Variants in DLGAP1 observed in about 807,000 individuals in gnomAD.
DLGAP1 encodes the protein DLG associated protein 1.
DLGAP1 carries 11 observed loss-of-function variants against 90.8 expected under a neutral mutation model. The ratio of observed to expected loss-of-function variants is 0.12; its 90% CI spans 0.08 to 0.20. The LOEUF (loss-of-function observed/expected upper bound fraction) is 0.20. Ranked by LOEUF, DLGAP1 falls within the 10% of genes least tolerant of loss-of-function variation. The pLI is 1.00. For missense variants in DLGAP1, 1,050 were observed against 1,333.8 expected (o/e 0.79, Z 3.31); for synonymous variants, 558 against 540.7 (o/e 1.03, Z -0.44).
chr18:3,876,185 C>T (rs952181713), intron 4 of DLGAP1, among the ~76,000 whole-genome samples: 2 of 150,322 alleles, frequency 1.3e-5, no homozygotes, highest in African/African-American at 4.9e-5. Flanking sequence ...GTGGCAGATC[C>T]TCTTTTCATT....
At chr18:4,325,921 C>G (rs1194024968) in intron 1 of DLGAP1, among the ~76,000 whole-genome samples, 6 of 151,976 alleles carry the variant, frequency 3.9e-5, no homozygotes, top group East Asian at 3.9e-4. Flanking sequence ...GGAAGTTAAC[C>G]TAGGAAACAC....
At chr18:3,564,814 G>GT (rs1434311138) in intron 9 of DLGAP1, among the ~76,000 whole-genome samples, 3 of 152,194 alleles carry the variant, frequency 2.0e-5, no homozygotes, top group Admixed American at 6.5e-5. Context: ...GTATCTGTCT[G>GT]TTTTTCCAAT....
chr18:4,245,795 G>A (rs761615955), intron 1 of DLGAP1, among the ~76,000 whole-genome samples: 1 of 147,612 alleles, frequency 6.8e-6, no homozygotes, highest in African/African-American at 2.4e-5. Flanking sequence ...GAAATGCAAA[G>A]ATACTCTTTT....
chr18:4,004,907 G>GGTGTGTGTGT (rs3031739), intron 3 of DLGAP1: 5 of 147,012 alleles, frequency 3.4e-5, no homozygotes, highest in African/African-American at 7.6e-5. Context: ...CAGAGGGAAG[G>GGTGTGTGTGT]GTGTGTGTGT....
chr18:3,856,754 G>C (rs183102636), intron 4 of DLGAP1, among the ~76,000 whole-genome samples: 2 of 151,878 alleles, frequency 1.3e-5, no homozygotes, highest in African/African-American at 2.4e-5. Flanking sequence ...CCAGCTACTC[G>C]GGAGGCTGAG....
chr18:3,511,083 C>T (rs988590050), intron 10 of DLGAP1, among the ~76,000 whole-genome samples: 6 of 152,154 alleles, frequency 3.9e-5, no homozygotes, highest in African/African-American at 1.2e-4. Flanking sequence ...CTCCAGGATA[C>T]TTGCAATTCC....
At chr18:4,039,001 C>CACACAAGCACAG (rs2074933083) in intron 2 of DLGAP1, among the ~76,000 whole-genome samples, 4 of 152,072 alleles carry the variant, frequency 2.6e-5, no homozygotes, top group African/African-American at 9.7e-5. Flanking sequence ...GTCAAGCACA[C>CACACAAGCACAG]AAGCACACAG....
rs987996218 is a variant in DLGAP1 at position 4,454,476 on chromosome 18, C to A, written c.-267+530G>T. 6.6e-6 allele frequency among the ~76,000 whole-genome samples: 1 copy of A among 152,098 alleles called. No homozygotes were observed. Among genetic ancestry groups the A allele is most frequent in the Non-Finnish European group, 1.5e-5 (1 of 68,030 alleles). On this transcript the variant is annotated intron_variant, in intron 1 of 12. Coordinates refer to ENST00000315677, the MANE Select transcript of DLGAP1 (RefSeq NM_004746.4). This position sits in a 1 kb window ranked among gnomAD's most constrained non-coding sequence, Gnocchi z 4.7. The stretch of plus-strand genomic sequence containing the variant: ...TCTTTGGCTTTCTCTTACAAACGCA[C>A]GGGGGAGTTGGTCCTTTTCCACAAT...
intron 1 of DLGAP1, among the ~76,000 whole-genome samples, chr18:4,428,127 C>T (rs1454060117): frequency 6.6e-6 from 1 of 152,186 alleles, no homozygotes; most frequent in Non-Finnish European, 1.5e-5. Context: ...ATCTGGGTCC[C>T]CCCCTCAAAT....
At chr18:4,172,805 T>G (rs762748062) in intron 1 of DLGAP1, among the ~76,000 whole-genome samples, 1 of 152,246 alleles carries the variant, frequency 6.6e-6, no homozygotes, top group Non-Finnish European at 1.5e-5. Flanking sequence ...ACATTTTTTC[T>G]GCAACAAAAG....
intron 6 of DLGAP1, among the ~76,000 whole-genome samples, chr18:3,735,449 T>C (rs745551417): frequency 3.9e-5 from 6 of 152,186 alleles, no homozygotes; most frequent in Non-Finnish European, 1.5e-5. Flanking sequence ...GATCTGGAAC[T>C]CCTGACCTCA....
chr18:3,703,869 T>C (rs1040683446), intron 7 of DLGAP1, among the ~76,000 whole-genome samples: 1 of 152,006 alleles, frequency 6.6e-6, no homozygotes, highest in Non-Finnish European at 1.5e-5. Flanking sequence ...CGAAGAGAAT[T>C]TCCTTGGAGA....
intron 8 of DLGAP1, among the ~76,000 whole-genome samples, chr18:3,570,861 G>A (rs2054736220): frequency 6.6e-6 from 1 of 150,962 alleles, no homozygotes; most frequent in Admixed American, 6.6e-5. Context: ...CCTGAGAGGT[G>A]GAGGCTGCAG....
At position 4,256,456 on chromosome 18, in the gene DLGAP1, C is replaced by A. The variant is rs972754565; in HGVS notation, c.-266-105169G>T. On this transcript the variant is annotated intron_variant, in intron 1 of 12. Coordinates refer to ENST00000315677, the MANE Select transcript of DLGAP1 (RefSeq NM_004746.4). ...AAAATCATACCTCCGTATATAAGTT[C>A]TCCTACTTAAACAGAATTTCTTTTA... Among the ~76,000 whole-genome samples, 7 of 152,094 alleles carry A rather than the reference C, an allele frequency of 4.6e-5. No individual in the cohort carries two copies. In the East Asian group the frequency reaches 1.3e-3, roughly 29 times the overall value.
rs113162706 is a variant in DLGAP1 at position 3,946,123 on chromosome 18, A to AT, written c.-73+58992dup. Among the ~76,000 whole-genome samples, 647 of 146,396 alleles carry AT rather than the reference A, an allele frequency of 4.4e-3. 6 individuals carry two copies. Among genetic ancestry groups the AT allele is most frequent in the African/African-American group, 0.011 (434 of 40,292 alleles). On this transcript the variant is annotated intron_variant, in intron 3 of 12. Coordinates refer to ENST00000315677, the MANE Select transcript of DLGAP1 (RefSeq NM_004746.4). ...TATGACATAGGTACTTTATTCCCTTATTTTTTTTTTTTACCTTGAGTCCTT... is the reference window on the plus strand; with the variant it reads ...TATGACATAGGTACTTTATTCCCTTATTTTTTTTTTTTTACCTTGAGTCCTT...
intron 10 of DLGAP1, among the ~76,000 whole-genome samples, chr18:3,509,354 C>T (rs1053507256): frequency 1.3e-5 from 2 of 152,230 alleles, no homozygotes; most frequent in African/African-American, 4.8e-5. Flanking sequence ...AGGCACTGTG[C>T]TGAAAATCTC....
At chr18:4,431,447 T>C (rs752297207) in intron 1 of DLGAP1, among the ~76,000 whole-genome samples, 2 of 152,198 alleles carry the variant, frequency 1.3e-5, no homozygotes, top group African/African-American at 2.4e-5. Context: ...GCATCTTATG[T>C]ACTGAAATGA....
intron 2 of DLGAP1, among the ~76,000 whole-genome samples, chr18:4,075,460 T>C (rs1233840883): frequency 6.6e-6 from 1 of 152,170 alleles, no homozygotes; most frequent in Non-Finnish European, 1.5e-5. Context: ...CTAGAGAATA[T>C]TTTAGCTACT....
At chr18:4,074,145 A>C (rs1320855071) in intron 2 of DLGAP1, among the ~76,000 whole-genome samples, 1 of 152,174 alleles carries the variant, frequency 6.6e-6, no homozygotes, top group Admixed American at 6.5e-5. Context: ...ATGTAGAATA[A>C]AGACCAATAA....
Sources: gnomAD v4.1 joint callset for allele counts (sites outside exome capture counted in the v4.1 genomes callset) on GRCh38, gnomAD v4.1.1 for gene constraint, Gnocchi (gnomAD v3.1) non-coding constraint, MANE v1.5 for transcripts, NCBI Gene and HGNC (gene_info 2026-07-23, HGNC 2026-07-21) for gene names.